Variants in ERBB4 observed in about 807,000 individuals in gnomAD.
ERBB4 encodes the protein receptor tyrosine-protein kinase erbB-4.
In ERBB4, 42 loss-of-function variants were observed where a neutral mutation model predicts 158.0. The ratio of observed to expected loss-of-function variants is 0.27; its 90% CI spans 0.21 to 0.34. The LOEUF (loss-of-function observed/expected upper bound fraction) is 0.34, where lower values mean the gene tolerates loss of function less well. ERBB4 is among the 10% of genes least tolerant of loss of function. The pLI is 1.00. For synonymous variants in ERBB4, 583 were observed against 558.7 expected, an observed-to-expected ratio of 1.04 and a Z score of -0.61; for missense variants, 1,333 against 1,624.1, an observed-to-expected ratio of 0.82 and a Z score of 3.08.
intron 3 of ERBB4, among the ~76,000 whole-genome samples, chr2:211,941,972 TCA>T (rs1009091232): frequency 1.8e-4 from 28 of 152,120 alleles, no homozygotes; most frequent in African/African-American, 6.8e-4. Flanking sequence ...AGAATTTTCT[TCA>T]CAGTTTTCAA....
chr2:211,524,029 G>A (rs1325099542), intron 20 of ERBB4, among the ~76,000 whole-genome samples: 1 of 152,132 alleles, frequency 6.6e-6, no homozygotes, highest in Non-Finnish European at 1.5e-5. Context: ...TAGATACAGA[G>A]TGTTGATTGG....
At chr2:211,714,668 C>G (rs76786588) in intron 7 of ERBB4, among the ~76,000 whole-genome samples, 5,973 of 152,302 alleles carry the variant, frequency 0.039, 156 homozygotes, top group Non-Finnish European at 0.057. Flanking sequence ...ATTTAATAAA[C>G]AGCTTTTGAC....
At chr2:211,621,029 G>T (rs924957896) in intron 18 of ERBB4, among the ~76,000 whole-genome samples, 7 of 152,166 alleles carry the variant, frequency 4.6e-5, no homozygotes, top group Admixed American at 4.6e-4. Flanking sequence ...GTGGGAGGAT[G>T]GTTTGAGCCC....
chr2:212,077,154 TATGGGACA>T (rs2078299535), intron 2 of ERBB4, among the ~76,000 whole-genome samples: 3 of 151,992 alleles, frequency 2.0e-5, no homozygotes, highest in African/African-American at 4.8e-5. Context: ...TTAGCAAAGA[TATGGGACA>T]ATGGGAAGAC....
rs780519461 is a variant in ERBB4 at position 211,383,947 on chromosome 2, C to G, written c.3595G>C (p.Glu1199Gln). ...HNASNGPPKA[E>Q]DEYVNEPLYL... is the part of the protein sequence containing the mutation. Reference sequence around the variant, plus strand: ...AGTGGCTCATTCACATACTCATCCTCGGCCTTGGGTGGACCATTGGATGCA... The same window carrying G: ...AGTGGCTCATTCACATACTCATCCTGGGCCTTGGGTGGACCATTGGATGCA... The change falls in exon 28 of 28, where the codon GAG becomes CAG. Residue 1199 changes from glutamate (E) to glutamine (Q), a missense_variant. Coordinates refer to ENST00000342788, the MANE Select transcript of ERBB4 (RefSeq NM_005235.3). The G allele has an allele frequency of 1.9e-6, 3 of 1,613,886 alleles. No individual in the cohort carries two copies. Among genetic ancestry groups the G allele is most frequent in the Admixed American group, 1.7e-5 (1 of 59,976 alleles).
chr2:212,288,106 T>G (rs535246152), intron 1 of ERBB4, among the ~76,000 whole-genome samples: 1 of 151,760 alleles, frequency 6.6e-6, no homozygotes, highest in East Asian at 1.9e-4. Flanking sequence ...AAAATCAGAG[T>G]TGAGATTTTA....
chr2:211,384,170 A>G, intron 27 of ERBB4, 110 bp from the exon 28 acceptor site: 1 of 762,100 alleles, frequency 1.3e-6, no homozygotes, highest in Non-Finnish European at 2.2e-6. Context: ...AAACCCACAG[A>G]TTTGTTTTCA....
chr2:212,431,888 C>G (rs185263440), intron 1 of ERBB4, among the ~76,000 whole-genome samples: 1 of 152,174 alleles, frequency 6.6e-6, no homozygotes, highest in East Asian at 1.9e-4. Flanking sequence ...CTATAATCTC[C>G]CAACATTCAT....
At chr2:211,746,840 A>AC (rs1553623863) in intron 5 of ERBB4, among the ~76,000 whole-genome samples, 5 of 128,552 alleles carry the variant, frequency 3.9e-5, no homozygotes, top group African/African-American at 1.1e-4. Context: ...AAAAAAAAAA[A>AC]AAAAAAACCC....
chr2:211,610,993 G>A (rs1401229905), intron 19 of ERBB4, among the ~76,000 whole-genome samples: 1 of 152,010 alleles, frequency 6.6e-6, no homozygotes, highest in Non-Finnish European at 1.5e-5. Context: ...AACTTGTCAA[G>A]CACTTTGTCT....
intron 13 of ERBB4, 57 bp from the exon 14 acceptor site, chr2:211,673,314 A>G (rs1465059121): frequency 1.6e-6 from 2 of 1,216,798 alleles, no homozygotes; most frequent in Non-Finnish European, 2.4e-6. Flanking sequence ...AACTTAACAA[A>G]TGAAGTAACA....
intron 1 of ERBB4, among the ~76,000 whole-genome samples, chr2:212,194,387 G>A (rs2082362396): frequency 6.6e-6 from 1 of 151,652 alleles, no homozygotes; most frequent in African/African-American, 2.4e-5. Flanking sequence ...GTTGTTTCAT[G>A]AAAGTAAAAA....
At chr2:211,828,465 C>T (rs1575207563) in intron 3 of ERBB4, among the ~76,000 whole-genome samples, 1 of 152,066 alleles carries the variant, frequency 6.6e-6, no homozygotes, top group African/African-American at 2.4e-5. Context: ...CCCTAGAATT[C>T]TTCTAGGGTC....
chr2:211,665,457 C>G lies in ERBB4; in HGVS notation c.1737G>C (p.Lys579Asn), dbSNP rs377501321. The change falls in exon 15 of 28, where the codon AAG becomes AAC. Residue 579 changes from lysine to asparagine, a missense_variant. Lys to Asn is a moderately conservative substitution (Grantham distance 94). This residue lies in a region of ERBB4 where 245 missense variants were observed against 247.5 expected (regional missense o/e 0.99). Transcript: ENST00000342788. ...CHGPGPDNCT[K>N]CSHFKDGPNC... Reference sequence around the variant, plus strand: ...TTGGGCCATCTTTAAAATGAGAGCACTTTGTACAGTTGTCAGGACCCTGAA... The same window carrying G: ...TTGGGCCATCTTTAAAATGAGAGCAGTTTGTACAGTTGTCAGGACCCTGAA... 5 of 1,613,646 alleles carry G rather than the reference C, an allele frequency of 3.1e-6. No individual in the cohort carries two copies. In the South Asian group the frequency reaches 5.5e-5, roughly 18 times the overall value.
At chr2:211,496,669 T>A (rs1020000715) in intron 20 of ERBB4, among the ~76,000 whole-genome samples, 2 of 152,008 alleles carry the variant, frequency 1.3e-5, no homozygotes, top group Non-Finnish European at 2.9e-5. Context: ...TCTACCCTCC[T>A]CCCCTATAGC....
chr2:212,430,899 A>G (rs1395350052), intron 1 of ERBB4, among the ~76,000 whole-genome samples: 1 of 152,140 alleles, frequency 6.6e-6, no homozygotes, highest in Non-Finnish European at 1.5e-5. Flanking sequence ...AAGGAGAGAC[A>G]GAGACAAAGA....
chr2:211,489,628 A>AATTTTAT (rs1310330624), intron 20 of ERBB4, among the ~76,000 whole-genome samples: 1 of 152,002 alleles, frequency 6.6e-6, no homozygotes, highest in African/African-American at 2.4e-5. Context: ...AAAATTATAC[A>AATTTTAT]AATTATATAA....
At chr2:212,006,201 C>T (rs2076255515) in intron 2 of ERBB4, among the ~76,000 whole-genome samples, 1 of 152,028 alleles carries the variant, frequency 6.6e-6, no homozygotes, top group African/African-American at 2.4e-5. Flanking sequence ...CAGAATCTTT[C>T]TAATTATTCT....
chr2:212,338,051 C>G (rs1365152077), intron 1 of ERBB4, among the ~76,000 whole-genome samples: 1 of 152,094 alleles, frequency 6.6e-6, no homozygotes, highest in Non-Finnish European at 1.5e-5. Flanking sequence ...TTATGTCATA[C>G]TGATCTTGAA....
Sources: allele counts gnomAD v4.1 joint callset (sites outside exome capture counted in the v4.1 genomes callset), GRCh38; gene constraint gnomAD v4.1.1; regional missense constraint gnomAD v4.1.1; transcripts MANE v1.5; gene names NCBI Gene and HGNC (gene_info 2026-07-23, HGNC 2026-07-21).